The following CTR9 variants were observed in gnomAD, a reference collection of about 807,000 sequenced individuals.
CTR9 encodes CTR9 component of Paf1/RNA polymerase II complex.
Under a neutral mutation model 152.1 loss-of-function variants are expected in CTR9, and 41 were observed. That is an observed-to-expected ratio of 0.27 (90% CI 0.21 to 0.35). The LOEUF (loss-of-function observed/expected upper bound fraction) is 0.35, where lower values mean the gene tolerates loss of function less well. CTR9 is among the 10% of genes least tolerant of loss of function. The pLI, the probability that CTR9 is intolerant of heterozygous loss-of-function variation, is 1.00. For synonymous variants in CTR9, 476 were observed against 496.2 expected (o/e 0.96, Z 0.54); for missense variants, 917 against 1,424.4 (o/e 0.64, Z 5.73).
Position 10,779,209 on chromosome 11 carries a change from T to G in CTR9, c.*104T>G, listed in dbSNP as rs1203043761. The G allele has an allele frequency of 2.2e-5, 27 of 1,214,328 alleles. No homozygotes were observed. The highest frequency in any genetic ancestry group is 2.2e-6 in the Non-Finnish European group (2 of 893,022). 75.2% of individuals were successfully genotyped at this position (1,214,328 alleles called of 1,614,324 possible). A position where few individuals can be genotyped will look rare whatever the true frequency, so the allele number is the denominator to read the frequency against. ...GTTTAGTCAATTGTGAAATTTTTCT[T>G]AAGGCAATTTTCTTTTCTATCAGTT... On this transcript the variant is annotated 3_prime_UTR_variant, in exon 25 of 25. Transcript: ENST00000361367.
At chr11:10,769,213 C>T (rs898873201) in intron 16 of CTR9, among the ~76,000 whole-genome samples, 8 of 152,074 alleles carry the variant, frequency 5.3e-5, no homozygotes, top group Middle Eastern at 6.8e-3. Flanking sequence ...CAAAGCCAGA[C>T]TCTGTCTCGG....
At chr11:10,753,653 A>T (rs1351862386) in intron 2 of CTR9, among the ~76,000 whole-genome samples, 1 of 149,874 alleles carries the variant, frequency 6.7e-6, no homozygotes, top group East Asian at 1.9e-4. Context: ...CATTTTTTTT[A>T]AAACCAGATG....
intron 5 of CTR9, 106 bp from the exon 6 acceptor site, chr11:10,760,067 A>C (rs1199598338): frequency 7.9e-7 from 1 of 1,259,954 alleles, no homozygotes; most frequent in Non-Finnish European, 1.1e-6. Flanking sequence ...TACTGAGGTT[A>C]ATTTTGGGGA....
intron 24 of CTR9, among the ~76,000 whole-genome samples, chr11:10,775,887 A>G (rs1863226560): frequency 1.3e-5 from 2 of 152,132 alleles, no homozygotes; most frequent in African/African-American, 4.8e-5. Context: ...GTCCTACTAC[A>G]TCTTTTCTCT....
intron 18 of CTR9, among the ~76,000 whole-genome samples, chr11:10,771,193 A>G (rs950340038): frequency 2.0e-5 from 3 of 152,194 alleles, no homozygotes; most frequent in Admixed American, 1.3e-4. Flanking sequence ...TGTCCAACTT[A>G]ATATTTTTAT....
chr11:10,774,988 C>T (rs1238445138), intron 22 of CTR9, among the ~76,000 whole-genome samples: 1 of 152,184 alleles, frequency 6.6e-6, no homozygotes, highest in Non-Finnish European at 1.5e-5. Context: ...TCAGCAGTGA[C>T]TAATCAGCAG....
chr11:10,768,179 G>C lies in CTR9; in HGVS notation c.1960+18G>C, dbSNP rs746710842. The C allele has an allele frequency of 1.2e-6, 2 of 1,604,758 alleles. No homozygotes were observed. The highest frequency in any genetic ancestry group is 3.3e-5 in the Admixed American group (2 of 59,712). On this transcript the variant is annotated intron_variant, in intron 15 of 24. Transcript: ENST00000361367. ...TGGCATAGGTGATTATAAGACTTGA[G>C]TACCCATAACAATTTGTTTCAAATG...
Position 10,763,768 on chromosome 11 carries a change from T to G in CTR9, c.1083T>G (p.Ser361=). 1 of 1,614,030 alleles carries G rather than the reference T, an allele frequency of 6.2e-7. No homozygotes were observed. The highest frequency in any genetic ancestry group is 8.5e-7 in the Non-Finnish European group (1 of 1,179,968). ...ATCGAGGTGACAAAGAAAATGCATCTCAGTGCTTTGAGAAGGTTTTGAAAG... is the reference window on the plus strand; with the variant it reads ...ATCGAGGTGACAAAGAAAATGCATCGCAGTGCTTTGAGAAGGTTTTGAAAG... The part of the protein sequence containing the change: ...YIYRGDKENA[S]QCFEKVLKAY... The change falls in exon 9 of 25, where the codon TCT becomes TCG. Residue 361 remains serine (S), a synonymous_variant. Transcript: ENST00000361367.
chr11:10,763,584 GT>G (rs1863011427), intron 8 of CTR9, 46 bp downstream of exon 8: 1 of 1,562,690 alleles, frequency 6.4e-7, no homozygotes, highest in East Asian at 2.2e-5. Context: ...TACTTATAGT[GT>G]TTTAAGTCTT....
chr11:10,755,224 A>G, intron 3 of CTR9, 27 bp downstream of exon 3: 1 of 1,584,482 alleles, frequency 6.3e-7, no homozygotes, highest in Non-Finnish European at 8.6e-7. Flanking sequence ...ATTTCTTTCC[A>G]TTTATGAAGG....
intron 21 of CTR9, among the ~76,000 whole-genome samples, 157 bp from the exon 22 acceptor site, chr11:10,773,854 TC>T (rs1863184595): frequency 7.0e-6 from 1 of 143,110 alleles, no homozygotes; most frequent in South Asian, 2.2e-4. Context: ...CACTGCACTC[TC>T]GCCTGGGCAA....
chr11:10,766,106 G>T (rs1442892255), intron 12 of CTR9, among the ~76,000 whole-genome samples: 1 of 152,166 alleles, frequency 6.6e-6, no homozygotes, highest in East Asian at 1.9e-4. Flanking sequence ...ATTAGAAACA[G>T]GCCGGTTCCA....
At chr11:10,764,468 A>G in intron 11 of CTR9, 32 bp downstream of exon 11, 1 of 1,562,048 alleles carries the variant, frequency 6.4e-7, no homozygotes, top group Non-Finnish European at 8.6e-7. Context: ...CTTCTTTTAT[A>G]CTGAATCAAG....
intron 21 of CTR9, 116 bp downstream of exon 21, chr11:10,773,389 T>A: frequency 1.6e-6 from 2 of 1,218,336 alleles, no homozygotes; most frequent in Admixed American, 4.9e-5. Flanking sequence ...TCCTCTTTTG[T>A]TAAGAGACAG....
Position 10,763,491 on chromosome 11 carries a change from A to G in CTR9, c.910A>G (p.Met304Val). 4 of 1,612,116 alleles carry G rather than the reference A, an allele frequency of 2.5e-6. No individual in the cohort carries two copies. The highest frequency in any genetic ancestry group is 3.4e-6 in the Non-Finnish European group (4 of 1,179,544). The change falls in exon 8 of 25, where the codon ATG (methionine) becomes GTG (valine). Residue 304 changes from methionine (M) to valine (V), a missense_variant. Met to Val is a conservative substitution (Grantham distance 21). Coordinates refer to ENST00000361367, the MANE Select transcript of CTR9 (RefSeq NM_014633.5). Reference sequence around the variant, plus strand: ...ATTCCATAATACAGAAGTGGAAGCTATGCAAGCAGAGAGCTGCTATCAGCT... The same window carrying G: ...ATTCCATAATACAGAAGTGGAAGCTGTGCAAGCAGAGAGCTGCTATCAGCT... ...HAFHNTEVEAMQAESCYQLAR... is the reference protein window; with the variant it reads ...HAFHNTEVEAVQAESCYQLAR...
chr11:10,757,341 G>T (rs1209799998), intron 5 of CTR9, among the ~76,000 whole-genome samples: 1 of 151,350 alleles, frequency 6.6e-6, no homozygotes, highest in Non-Finnish European at 1.5e-5. Context: ...TGTAATCTCA[G>T]CACTTTGGGA....
intron 7 of CTR9, 72 bp downstream of exon 7, chr11:10,762,126 A>G: frequency 1.0e-6 from 1 of 957,330 alleles, no homozygotes; most frequent in Non-Finnish European, 1.6e-6. Flanking sequence ...TTTCTTTTTT[A>G]AACTTGGAAA....
chr11:10,778,173 ATGACC>A (rs1381862727), intron 24 of CTR9, among the ~76,000 whole-genome samples: 6 of 152,202 alleles, frequency 3.9e-5, no homozygotes, highest in Non-Finnish European at 8.8e-5. Context: ...GACAGGAATA[ATGACC>A]TCACTCTTCA....
Position 10,762,050 on chromosome 11 carries a change from A to G in CTR9, c.845A>G (p.Lys282Arg), listed in dbSNP as rs1040240276. 1.3e-6 allele frequency: 2 copies of G among 1,569,552 alleles called. No homozygotes were observed. The highest frequency in any genetic ancestry group is 1.2e-5 in the South Asian group (1 of 86,552). The change falls in exon 7 of 25, where the codon AAA (lysine) becomes AGA (arginine). Residue 282 changes from lysine to arginine, a missense_variant. Transcript: ENST00000361367. Reference sequence around the variant, plus strand: ...CATTTGGCAAATCACTTTTTCTTCAAAAAGGTAGAAGTCATTTATTTTTAA... The same window carrying G: ...CATTTGGCAAATCACTTTTTCTTCAGAAAGGTAGAAGTCATTTATTTTTAA... ...LNHLANHFFFKKDYSKVQHLA... is the reference protein window; with the variant it reads ...LNHLANHFFFRKDYSKVQHLA...
Sources: gnomAD v4.1 joint callset for allele counts (sites outside exome capture counted in the v4.1 genomes callset) on GRCh38, gnomAD v4.1.1 for gene constraint, MANE v1.5 for transcripts, NCBI Gene and HGNC (gene_info 2026-07-23, HGNC 2026-07-21) for gene names.